Variants in ABCG2 observed in about 807,000 individuals in gnomAD.
ABCG2 encodes broad substrate specificity ATP-binding cassette transporter ABCG2.
A neutral mutation model predicts 73.5 loss-of-function variants in ABCG2; 80 were observed. That is an observed-to-expected ratio of 1.09 (90% CI 0.91 to 1.31). The LOEUF (loss-of-function observed/expected upper bound fraction) is 1.31, where lower values mean the gene tolerates loss of function less well. Among genes scored for constraint, ABCG2 ranks in the 50% most tolerant of loss-of-function variants. ABCG2 has a pLI of 0.00. For synonymous variants in ABCG2, 269 were observed against 282.4 expected (o/e 0.95, Z 0.48); for missense variants, 796 against 786.2 (o/e 1.01, Z -0.15).
At chr4:88,107,769 T>A (rs917973808) in intron 9 of ABCG2, among the ~76,000 whole-genome samples, 3 of 152,198 alleles carry the variant, frequency 2.0e-5, no homozygotes, top group Admixed American at 2.0e-4. Flanking sequence ...TAAATAAAAA[T>A]TTTAAAGCAC....
intron 1 of ABCG2, among the ~76,000 whole-genome samples, chr4:88,145,544 C>T (rs1306242119): frequency 6.6e-6 from 1 of 152,142 alleles, no homozygotes; most frequent in Admixed American, 6.6e-5. Flanking sequence ...TCCCGACAGA[C>T]AGGAAGAGAC....
At chr4:88,115,256 C>CTCTCTCTCTATA (rs1309360818) in intron 7 of ABCG2, among the ~76,000 whole-genome samples, 198 bp from the exon 8 acceptor site, 2 of 69,872 alleles carry the variant, frequency 2.9e-5, no homozygotes, top group Admixed American at 1.8e-4. Flanking sequence ...CTCTCTCTCT[C>CTCTCTCTCTATA]TATATATATA....
chr4:88,137,060 T>TAAAATAAAATAAAATAAAATAAAA (rs1271680412), intron 2 of ABCG2, among the ~76,000 whole-genome samples: 1 of 145,880 alleles, frequency 6.9e-6, no homozygotes, highest in East Asian at 2.0e-4. Flanking sequence ...TAAAATAAAA[T>TAAAATAAAATAAAATAAAATAAAA]AAGAATGAGG....
intron 2 of ABCG2, among the ~76,000 whole-genome samples, chr4:88,136,720 T>G (rs1382161787): frequency 1.4e-5 from 2 of 144,674 alleles, no homozygotes; most frequent in African/African-American, 5.1e-5. Flanking sequence ...AAAATTTGTT[T>G]AATTACAAAA....
chr4:88,153,083 A>G (rs1452974502), intron 1 of ABCG2, among the ~76,000 whole-genome samples: 6 of 152,186 alleles, frequency 3.9e-5, no homozygotes, highest in Non-Finnish European at 7.3e-5. Context: ...CCAATTAGAG[A>G]GTGCCTAAGG....
chr4:88,186,438 G>A (rs1728457242), intron 1 of ABCG2, among the ~76,000 whole-genome samples: 1 of 152,144 alleles, frequency 6.6e-6, no homozygotes, highest in Non-Finnish European at 1.5e-5. Context: ...TCTGACACCA[G>A]CCTGGGCAAC....
rs192958180 is a variant in ABCG2 at position 88,145,183 on chromosome 4, A to C, written c.-19-5169T>G. Among the ~76,000 whole-genome samples the C allele has an allele frequency of 6.6e-5, 10 of 152,296 alleles. No individual in the cohort carries two copies. In the East Asian group the frequency reaches 1.9e-3, roughly 29 times the overall value. On this transcript the variant is annotated intron_variant, in intron 1 of 15. Coordinates refer to ENST00000237612, the MANE Select transcript of ABCG2 (RefSeq NM_004827.3). ...GCTGCATAAATTACATACCTCTTTA[A>C]AGTGTTTACTGAGGTTAATCTCAAA...
intron 9 of ABCG2, among the ~76,000 whole-genome samples, chr4:88,107,676 C>G (rs1377370523): frequency 2.0e-5 from 3 of 152,172 alleles, no homozygotes; most frequent in Non-Finnish European, 4.4e-5. Context: ...GAACTCTCAA[C>G]CTTTGTGCCA....
intron 1 of ABCG2, among the ~76,000 whole-genome samples, chr4:88,197,532 C>T (rs1021990343): frequency 6.6e-6 from 1 of 151,960 alleles, no homozygotes; most frequent in African/African-American, 2.4e-5. Flanking sequence ...AGGAGGATCC[C>T]CTGAGCCTGG....
rs376857441 is a variant in ABCG2, at chr4:88,152,228, T to C, written c.-20+6158A>G. On this transcript the variant is annotated intron_variant, in intron 1 of 15. Coordinates refer to ENST00000237612, the MANE Select transcript of ABCG2 (RefSeq NM_004827.3). The stretch of plus-strand genomic sequence containing the variant: ...ATGGGAGCTTTAAAAAATTACTAAA[T>C]ACTACCAATTTTACTTCTTTCCCAT... 1.6e-3 allele frequency among the ~76,000 whole-genome samples: 250 copies of C among 152,286 alleles called. 1 individual carries two copies. Among genetic ancestry groups the C allele is most frequent in the African/African-American group, 5.6e-3 (233 of 41,566 alleles).
At chr4:88,216,307 A>G (rs1729809874) in intron 1 of ABCG2, among the ~76,000 whole-genome samples, 1 of 152,134 alleles carries the variant, frequency 6.6e-6, no homozygotes, top group African/African-American at 2.4e-5. Context: ...CTATGCATGG[A>G]CCTTTTGGAA....
chr4:88,156,956 T>C (rs1185328922), intron 1 of ABCG2, among the ~76,000 whole-genome samples: 1 of 151,962 alleles, frequency 6.6e-6, no homozygotes, highest in Non-Finnish European at 1.5e-5. Context: ...CAAAAAATTA[T>C]CTGGGCATGG....
chr4:88,172,761 A>G (rs1325314441), intron 1 of ABCG2, among the ~76,000 whole-genome samples: 1 of 152,126 alleles, frequency 6.6e-6, no homozygotes, highest in Non-Finnish European at 1.5e-5. Flanking sequence ...TTCATAGCCC[A>G]GCCCAAGATG....
At chr4:88,115,093 A>G in intron 7 of ABCG2, 35 bp from the exon 8 acceptor site, 1 of 1,452,646 alleles carries the variant, frequency 6.9e-7, no homozygotes, top group African/African-American at 1.4e-5. Context: ...CACAAACTTG[A>G]TGGTCTTGGA....
intron 1 of ABCG2, among the ~76,000 whole-genome samples, chr4:88,212,516 T>A (rs911445423): frequency 6.6e-6 from 1 of 152,216 alleles, no homozygotes; most frequent in Non-Finnish European, 1.5e-5. Context: ...CACCCTGCGT[T>A]ACCTATGTAC....
chr4:88,140,099 C>T, intron 1 of ABCG2, 85 bp from the exon 2 acceptor site: 1 of 1,171,702 alleles, frequency 8.5e-7, no homozygotes, highest in Admixed American at 2.4e-5. Flanking sequence ...AAAACAAGTC[C>T]ATTTTTAAAT....
Position 88,132,591 on chromosome 4 carries a change from C to A in ABCG2, c.248G>T (p.Gly83Val), listed in dbSNP as rs780404007. ...TTATACTCACGAAGATTTGCCTCCA[C>A]CTGTGGGTCCCAGGATGGCGTTGAG... The part of the protein sequence containing the change: ...PGLNAILGPT[G>V]GGKSSLLDVL... Residue 83 changes from glycine to valine, a missense_variant, in exon 3 of 16, where the codon GGT becomes GTT. Coordinates refer to ENST00000237612, the MANE Select transcript of ABCG2 (RefSeq NM_004827.3). 6.2e-7 allele frequency: 1 copy of A among 1,614,078 alleles called. No homozygotes were observed. Among genetic ancestry groups the A allele is most frequent in the Non-Finnish European group, 8.5e-7 (1 of 1,180,036 alleles).
chr4:88,095,626 C>T lies in ABCG2; in HGVS notation c.1648-17G>A. On this transcript the variant is annotated splice_polypyrimidine_tract_variant and intron_variant, in intron 13 of 15. Coordinates refer to ENST00000237612, the MANE Select transcript of ABCG2 (RefSeq NM_004827.3). ...TGAAAAAATCTACAAAAAGCAAATA[C>T]TAAAAGTCAGGCCTGCTTGAGTAAT... 2 of 1,605,786 alleles carry T rather than the reference C, an allele frequency of 1.2e-6. No homozygotes were observed. Among genetic ancestry groups the T allele is most frequent in the Non-Finnish European group, 1.7e-6 (2 of 1,172,638 alleles).
chr4:88,175,879 A>G (rs56032656), intron 1 of ABCG2, among the ~76,000 whole-genome samples: 2 of 152,160 alleles, frequency 1.3e-5, no homozygotes, highest in African/African-American at 4.8e-5. Context: ...CTTCTATTTT[A>G]TTTCTGAAAC....
Sources: allele counts gnomAD v4.1 joint callset (sites outside exome capture counted in the v4.1 genomes callset), GRCh38; gene constraint gnomAD v4.1.1; transcripts MANE v1.5; gene names NCBI Gene and HGNC (gene_info 2026-07-23, HGNC 2026-07-21).